Variants in OXR1 observed in about 807,000 individuals in gnomAD.
The protein encoded by OXR1 is oxidation resistance protein 1.
Under a neutral mutation model 104.6 loss-of-function variants are expected in OXR1, and 41 were observed. The observed-to-expected ratio is 0.39, with a 90% confidence interval of 0.31 to 0.51. The LOEUF (loss-of-function observed/expected upper bound fraction) is 0.51. Ranked by LOEUF, OXR1 falls within the 20% of genes least tolerant of loss-of-function variation. OXR1 has a pLI of 0.77. For synonymous variants in OXR1, 348 were observed against 348.4 expected, an observed-to-expected ratio of 1.00 and a Z score of 0.01; for missense variants, 955 against 1,031.9, an observed-to-expected ratio of 0.93 and a Z score of 1.02.
intron 1 of OXR1, among the ~76,000 whole-genome samples, chr8:106,304,037 G>A (rs924956979): frequency 6.6e-6 from 1 of 152,034 alleles, no homozygotes; most frequent in Non-Finnish European, 1.5e-5. Flanking sequence ...ATTCAATCAA[G>A]TCTTTTCTGA....
intron 3 of OXR1, among the ~76,000 whole-genome samples, chr8:106,608,849 G>C (rs545464813): frequency 3.3e-5 from 5 of 152,190 alleles, no homozygotes; most frequent in Non-Finnish European, 4.4e-5. Context: ...TTGGAATGCT[G>C]ATGGGTTTAT....
chr8:106,696,788 C>A (rs1312619950), intron 7 of OXR1, among the ~76,000 whole-genome samples: 2 of 152,124 alleles, frequency 1.3e-5, no homozygotes, highest in Non-Finnish European at 2.9e-5. Flanking sequence ...TCCTCAAGCC[C>A]CAGACCATGG....
chr8:106,734,470 A>C (rs544608953), intron 11 of OXR1, among the ~76,000 whole-genome samples: 3 of 152,348 alleles, frequency 2.0e-5, no homozygotes, highest in African/African-American at 4.8e-5. Flanking sequence ...AGAAAGTAGT[A>C]AAAATGGCAC....
At chr8:106,365,179 T>G (rs1473733998) in intron 2 of OXR1, among the ~76,000 whole-genome samples, 1 of 152,178 alleles carries the variant, frequency 6.6e-6, no homozygotes, top group Non-Finnish European at 1.5e-5. Flanking sequence ...TTTCTAATTT[T>G]TTTTTAAAAG....
chr8:106,497,438 A>C (rs1056183238), intron 2 of OXR1, among the ~76,000 whole-genome samples: 1 of 152,176 alleles, frequency 6.6e-6, no homozygotes, highest in East Asian at 1.9e-4. Flanking sequence ...TCTGTTATAT[A>C]ATTTTCCCTG....
At chr8:106,526,585 C>G (rs1006153042) in intron 3 of OXR1, among the ~76,000 whole-genome samples, 1 of 152,212 alleles carries the variant, frequency 6.6e-6, no homozygotes, top group African/African-American at 2.4e-5. Flanking sequence ...CTCTGTCGCC[C>G]AGGCTGGAGT....
At chr8:106,698,651 G>A (rs1386236490) in intron 7 of OXR1, among the ~76,000 whole-genome samples, 1 of 151,568 alleles carries the variant, frequency 6.6e-6, no homozygotes, top group South Asian at 2.1e-4. Flanking sequence ...TTTCTGCCAT[G>A]GCTAATCTAC....
chr8:106,380,057 T>C (rs530157527), intron 2 of OXR1, among the ~76,000 whole-genome samples: 1 of 152,212 alleles, frequency 6.6e-6, no homozygotes, highest in African/African-American at 2.4e-5. Context: ...TTCATCACCC[T>C]AAAAAGAAAT....
intron 2 of OXR1, among the ~76,000 whole-genome samples, chr8:106,509,572 T>C (rs902789996): frequency 1.3e-5 from 2 of 152,198 alleles, no homozygotes; most frequent in African/African-American, 4.8e-5. Flanking sequence ...AGATCTTTGA[T>C]TTTAGAGCCC....
intron 3 of OXR1, among the ~76,000 whole-genome samples, chr8:106,631,207 C>A (rs1384320250): frequency 6.6e-6 from 1 of 152,042 alleles, no homozygotes; most frequent in African/African-American, 2.4e-5. Flanking sequence ...CTCCTTATAC[C>A]CTAGTTCCTT....
intron 3 of OXR1, among the ~76,000 whole-genome samples, chr8:106,631,157 G>C (rs1200068933): frequency 6.6e-6 from 1 of 152,168 alleles, no homozygotes; most frequent in Admixed American, 6.6e-5. Flanking sequence ...ATGAGAGTAA[G>C]AGCTGACTTA....
Position 106,707,019 on chromosome 8 carries a change from G to A in OXR1, c.1498G>A (p.Glu500Lys), listed in dbSNP as rs1456614609. 6.2e-7 allele frequency: 1 copy of A among 1,613,824 alleles called. No individual in the cohort carries two copies. Among genetic ancestry groups the A allele is most frequent in the Non-Finnish European group, 8.5e-7 (1 of 1,179,962 alleles). ...EQNQDSQTEA[E>K]ELRKLWKTHT... ...AAATCAGGACTCACAGACAGAGGCA[G>A]AAGAGCTACGCAAACTTTGGAAAAC... The change falls in exon 9 of 17, where the codon GAA (glutamate) becomes AAA (lysine). Residue 500 changes from glutamate to lysine, a missense_variant. Transcript: ENST00000517566.
In OXR1 at chr8:106,745,914, C is replaced by T. The variant is rs781758558; in HGVS notation, c.2486+52C>T. On this transcript the variant is annotated intron_variant, in intron 16 of 16. Transcript: ENST00000517566. ...AGATTTTTGAAGAACTTTAAAAATG[C>T]ATTTGGATTATTTATAAATTCAGTT... 16 of 925,620 alleles carry T rather than the reference C, an allele frequency of 1.7e-5. No homozygotes were observed. In the Admixed American group the frequency reaches 2.2e-4, roughly 13 times the overall value. 57.3% of individuals were successfully genotyped at this position (925,620 alleles called of 1,614,324 possible). A position where few individuals can be genotyped will look rare whatever the true frequency, so the allele number is the denominator to read the frequency against.
chr8:106,495,214 T>C (rs1811337141), intron 2 of OXR1, among the ~76,000 whole-genome samples: 2 of 152,078 alleles, frequency 1.3e-5, no homozygotes, highest in Non-Finnish European at 2.9e-5. Context: ...AGGAATCTAT[T>C]ATCAACCACA....
chr8:106,349,452 A>C (rs1012969629), intron 1 of OXR1, among the ~76,000 whole-genome samples: 5 of 152,168 alleles, frequency 3.3e-5, no homozygotes, highest in South Asian at 2.1e-4. Flanking sequence ...AATCAGAATA[A>C]AGAGGAGAAA....
At chr8:106,558,080 A>C (rs1248761544) in intron 3 of OXR1, among the ~76,000 whole-genome samples, 1 of 152,152 alleles carries the variant, frequency 6.6e-6, no homozygotes, top group Non-Finnish European at 1.5e-5. Context: ...AAGTCATTTT[A>C]TCTCTCTAAA....
chr8:106,594,806 C>G (rs1488893852), intron 3 of OXR1, among the ~76,000 whole-genome samples: 1 of 152,290 alleles, frequency 6.6e-6, no homozygotes, highest in Middle Eastern at 3.4e-3. Flanking sequence ...GGGCTCTCCT[C>G]CCTTGGAAGG....
At chr8:106,521,878 A>T (rs1813288152) in intron 3 of OXR1, among the ~76,000 whole-genome samples, 2 of 152,140 alleles carry the variant, frequency 1.3e-5, no homozygotes, top group Non-Finnish European at 1.5e-5. Flanking sequence ...AGAGAATCTC[A>T]GTGAAGGAAG....
intron 2 of OXR1, among the ~76,000 whole-genome samples, chr8:106,442,559 G>A (rs1031051509): frequency 3.3e-5 from 5 of 151,828 alleles, no homozygotes; most frequent in Admixed American, 6.6e-5. Flanking sequence ...CTTTTTTTTC[G>A]TTGGTAGGCT....
Sources: gnomAD v4.1 joint callset for allele counts (sites outside exome capture counted in the v4.1 genomes callset) on GRCh38, gnomAD v4.1.1 for gene constraint, MANE v1.5 for transcripts, NCBI Gene and HGNC (gene_info 2026-07-23, HGNC 2026-07-21) for gene names.